SGCD: variants seen among roughly 807,000 people sequenced by gnomAD.
SGCD encodes the protein delta-sarcoglycan.
SGCD carries 18 observed loss-of-function variants against 36.6 expected under a neutral mutation model. The observed-to-expected ratio is 0.49, with a 90% CI of 0.34 to 0.73. The LOEUF (loss-of-function observed/expected upper bound fraction) is 0.73. Ranked by LOEUF, SGCD falls within the 30% of genes least tolerant of loss-of-function variation. SGCD has a pLI of 0.01. For missense variants in SGCD, 387 were observed against 346.7 expected (o/e 1.12, Z -0.92); for synonymous variants, 133 against 130.6 (o/e 1.02, Z -0.12).
At chr5:156,137,717 T>G (rs1762491797) in intron 3 of SGCD, among the ~76,000 whole-genome samples, 1 of 152,222 alleles carries the variant, frequency 6.6e-6, no homozygotes, top group African/African-American at 2.4e-5. Flanking sequence ...TCATTTTGAC[T>G]ATATATGAAT....
chr5:156,211,892 G>A (rs1764451634), intron 3 of SGCD, among the ~76,000 whole-genome samples: 1 of 152,130 alleles, frequency 6.6e-6, no homozygotes, highest in Non-Finnish European at 1.5e-5. Context: ...TGGAATTAAA[G>A]TGTAGAGTCT....
chr5:155,796,873 T>C, the SGCD span, among the ~76,000 whole-genome samples: 1 of 141,918 alleles, frequency 7.0e-6, no homozygotes, highest in African/African-American at 2.7e-5. Context: ...TAGAAAAAGA[T>C]TAACAAACCA....
rs895528227 is a variant in SGCD at position 156,447,177 on chromosome 5, C to T, written c.193-61424C>T. On this transcript the variant is annotated intron_variant, in intron 3 of 8. Transcript: ENST00000337851. The stretch of plus-strand genomic sequence containing the variant: ...CAGATTCTTCAGTGAGATTAATTTA[C>T]ACTCCTTCTACTTACCATCAAATCA... Among the ~76,000 whole-genome samples the T allele has an allele frequency of 6.6e-5, 10 of 152,138 alleles. No homozygotes were observed. In the South Asian group the frequency reaches 2.1e-3, roughly 32 times the overall value.
At chr5:156,094,769 G>A (rs1233725742) in intron 1 of SGCD, among the ~76,000 whole-genome samples, 3 of 152,132 alleles carry the variant, frequency 2.0e-5, no homozygotes, top group African/African-American at 7.2e-5. Flanking sequence ...TTGGGAGGCC[G>A]AGGCGGGCAG....
At chr5:156,680,373 C>T (rs75018040) in intron 7 of SGCD, among the ~76,000 whole-genome samples, 10,579 of 152,148 alleles carry the variant, frequency 0.07, 384 homozygotes, top group South Asian at 0.11. Context: ...CTCATGATTA[C>T]TAGAATCTTG....
chr5:155,912,307 T>G (rs114851539), intron 1 of SGCD, among the ~76,000 whole-genome samples: 177 of 152,228 alleles, frequency 1.2e-3, no homozygotes, highest in Middle Eastern at 3.4e-3. Flanking sequence ...CAAGCACTAC[T>G]AGTGTTTGTT....
At chr5:156,314,033 A>G (rs1202439925) in intron 3 of SGCD, among the ~76,000 whole-genome samples, 1 of 152,026 alleles carries the variant, frequency 6.6e-6, no homozygotes, top group Non-Finnish European at 1.5e-5. Flanking sequence ...TTGCAATTCC[A>G]TGATCATTGA....
chr5:156,423,418 ATATTTTAATAAAATATAATATATT>A (rs1773510773), intron 3 of SGCD, among the ~76,000 whole-genome samples: 7 of 79,170 alleles, frequency 8.8e-5, no homozygotes, highest in Admixed American at 1.8e-4. Context: ...ATAATATATT[ATATTTTAATAAAATATAATATATT>A]TATTTTATTA....
the SGCD span, among the ~76,000 whole-genome samples, chr5:155,813,801 T>C: frequency 6.6e-6 from 1 of 152,176 alleles, no homozygotes; most frequent in African/African-American, 2.4e-5. Context: ...AGTTGCAATA[T>C]AATGTCACCA....
chr5:156,531,590 C>T (rs774312185), intron 4 of SGCD, among the ~76,000 whole-genome samples: 6 of 151,994 alleles, frequency 3.9e-5, no homozygotes, highest in Non-Finnish European at 7.4e-5. Flanking sequence ...TGGTCCTGTT[C>T]GATCCAGCAA....
chr5:155,871,065 A>G (rs958548640), intron 1 of SGCD, among the ~76,000 whole-genome samples: 39 of 151,988 alleles, frequency 2.6e-4, no homozygotes, highest in Admixed American at 2.6e-3. Context: ...ACTTTTCTGT[A>G]GAGAGACTTG....
chr5:156,425,031 G>A (rs1027124990), intron 3 of SGCD, among the ~76,000 whole-genome samples: 1 of 152,010 alleles, frequency 6.6e-6, no homozygotes, highest in African/African-American at 2.4e-5. Flanking sequence ...GGAATAGCTT[G>A]CCATTTTTAT....
chr5:156,349,994 A>T (rs1037404839), intron 3 of SGCD, among the ~76,000 whole-genome samples: 4 of 151,934 alleles, frequency 2.6e-5, no homozygotes, highest in Non-Finnish European at 4.4e-5. Flanking sequence ...CAAAAATCTG[A>T]TACCACATGT....
intron 3 of SGCD, among the ~76,000 whole-genome samples, chr5:156,486,555 AAGGTCACCC>A (rs1410933597): frequency 6.6e-6 from 1 of 152,094 alleles, no homozygotes; most frequent in Non-Finnish European, 1.5e-5. Flanking sequence ...CATGAGCTAG[AAGGTCACCC>A]AGCCCCACCC....
chr5:156,384,812 C>A (rs1027612265), intron 3 of SGCD, among the ~76,000 whole-genome samples: 1 of 152,136 alleles, frequency 6.6e-6, no homozygotes, highest in Non-Finnish European at 1.5e-5. Context: ...TGTTTATGTG[C>A]AAACTTTGGT....
At chr5:155,892,394 G>T (rs1488973094) in intron 1 of SGCD, among the ~76,000 whole-genome samples, 1 of 150,478 alleles carries the variant, frequency 6.6e-6, no homozygotes, top group African/African-American at 2.5e-5. Context: ...GGTGAAGGTT[G>T]CAGTGAGCCA....
At chr5:156,585,654 A>C (rs1187818171) in intron 4 of SGCD, among the ~76,000 whole-genome samples, 2 of 152,180 alleles carry the variant, frequency 1.3e-5, no homozygotes, top group African/African-American at 4.8e-5. Flanking sequence ...CCCATGGACT[A>C]TTCCTTTAGT....
chr5:156,425,327 C>G (rs978487884), intron 3 of SGCD, among the ~76,000 whole-genome samples: 12 of 152,066 alleles, frequency 7.9e-5, no homozygotes, highest in African/African-American at 2.9e-4. Flanking sequence ...CCTTTTTAAA[C>G]TGCCTTCAAG....
the SGCD span, among the ~76,000 whole-genome samples, chr5:155,768,217 A>T: frequency 2.6e-5 from 4 of 151,824 alleles, no homozygotes; most frequent in Admixed American, 2.0e-4. Flanking sequence ...CTTACATTTT[A>T]TGAGATGCAG....
Sources: allele counts gnomAD v4.1 joint callset (sites outside exome capture counted in the v4.1 genomes callset), GRCh38; gene constraint gnomAD v4.1.1; transcripts MANE v1.5; gene names NCBI Gene and HGNC (gene_info 2026-07-23, HGNC 2026-07-21).